KIAA1549L: variants seen among roughly 807,000 people sequenced by gnomAD.
KIAA1549L encodes the protein KIAA1549 like.
A neutral mutation model predicts 160.7 loss-of-function variants in KIAA1549L; 88 were observed. That is an observed-to-expected ratio of 0.55 (90% CI 0.46 to 0.65). The LOEUF (loss-of-function observed/expected upper bound fraction) is 0.65, where lower values mean the gene tolerates loss of function less well. Ranked by LOEUF, KIAA1549L falls within the 30% of genes least tolerant of loss-of-function variation. KIAA1549L has a pLI of 0.00. For missense variants in KIAA1549L, 2,258 were observed against 2,437.5 expected (o/e 0.93, Z 1.55); for synonymous variants, 950 against 976.7 (o/e 0.97, Z 0.51).
chr11:33,427,002 GA>G (rs1240889068), intron 1 of KIAA1549L, among the ~76,000 whole-genome samples: 1 of 152,146 alleles, frequency 6.6e-6, no homozygotes, highest in Admixed American at 6.5e-5. Context: ...GTGTTTTGGG[GA>G]AACTTAGGGA....
chr11:33,462,267 A>G (rs542760511), intron 1 of KIAA1549L, among the ~76,000 whole-genome samples: 147 of 152,346 alleles, frequency 9.6e-4, no homozygotes, highest in Non-Finnish European at 1.7e-3. Context: ...ATGAGTCTTC[A>G]TCATGGGTAG....
intron 4 of KIAA1549L, 140 bp from the exon 5 acceptor site, chr11:33,550,900 A>G (rs1054778747): frequency 1.3e-5 from 9 of 719,648 alleles, no homozygotes; most frequent in Admixed American, 9.1e-5. Context: ...GCTTTATAGA[A>G]TTGTTAAGAA....
At chr11:33,617,793 A>T (rs1038177256) in intron 15 of KIAA1549L, among the ~76,000 whole-genome samples, 1 of 116,202 alleles carries the variant, frequency 8.6e-6, no homozygotes, top group Non-Finnish European at 1.6e-5. Context: ...GCCTCGGTGG[A>T]TGGATGGATG....
chr11:33,619,156 C>T lies in KIAA1549L; in HGVS notation c.5409+494C>T, dbSNP rs758861291. ...CAAAGCACATGCTTATGTTCAGTGA[C>T]GTGACCAAGCTGCAGAAATTATTTT... On this transcript the variant is annotated intron_variant, in intron 16 of 20. Coordinates refer to ENST00000658780, the MANE Select transcript of KIAA1549L (RefSeq NM_012194.3). Among the ~76,000 whole-genome samples, 16 of 152,306 alleles carry T rather than the reference C, an allele frequency of 1.1e-4. No individual in the cohort carries two copies. In the South Asian group the frequency reaches 1.2e-3, roughly 12 times the overall value.
At chr11:33,389,818 A>G (rs965935454) in intron 1 of KIAA1549L, among the ~76,000 whole-genome samples, 1 of 152,170 alleles carries the variant, frequency 6.6e-6, no homozygotes, top group African/African-American at 2.4e-5. Flanking sequence ...ACACTACTCT[A>G]AGAGAGGGTT....
At chr11:33,501,061 A>G (rs1192145605) in intron 1 of KIAA1549L, among the ~76,000 whole-genome samples, 2 of 152,124 alleles carry the variant, frequency 1.3e-5, no homozygotes, top group Admixed American at 6.6e-5. Flanking sequence ...CTGAAACATC[A>G]CTGCCCATCT....
At chr11:33,541,108 C>T (rs563011919) in intron 1 of KIAA1549L, among the ~76,000 whole-genome samples, 3 of 152,334 alleles carry the variant, frequency 2.0e-5, no homozygotes, top group African/African-American at 7.2e-5. Flanking sequence ...TGCCCTGCCT[C>T]CTTGTCTGTC....
chr11:33,445,758 A>G (rs965018339), intron 1 of KIAA1549L, among the ~76,000 whole-genome samples: 1 of 152,200 alleles, frequency 6.6e-6, no homozygotes, highest in Admixed American at 6.5e-5. Context: ...ATAGGACTGA[A>G]TAAGATAACA....
At chr11:33,466,670 T>C (rs1246550164) in intron 1 of KIAA1549L, among the ~76,000 whole-genome samples, 3 of 152,122 alleles carry the variant, frequency 2.0e-5, no homozygotes, top group Admixed American at 2.0e-4. Flanking sequence ...CATGCACACA[T>C]ATGCTTATTG....
chr11:33,585,385 G>A (rs1177006081), intron 11 of KIAA1549L, among the ~76,000 whole-genome samples: 2 of 152,138 alleles, frequency 1.3e-5, no homozygotes, highest in African/African-American at 2.4e-5. Flanking sequence ...GGGTGTGGTG[G>A]CGCACACCTG....
At chr11:33,431,100 A>G (rs1851230131) in intron 1 of KIAA1549L, among the ~76,000 whole-genome samples, 1 of 151,978 alleles carries the variant, frequency 6.6e-6, no homozygotes, top group Admixed American at 6.6e-5. Context: ...TTAAGGCAGC[A>G]CATCTGGAGT....
At chr11:33,509,382 G>T (rs1853172056) in intron 1 of KIAA1549L, among the ~76,000 whole-genome samples, 2 of 152,180 alleles carry the variant, frequency 1.3e-5, no homozygotes, top group African/African-American at 2.4e-5. Context: ...ACCCAGCTTA[G>T]TTTATTTCCA....
rs1850733532 is a variant in KIAA1549L at position 33,614,545 on chromosome 11, TA to T, written c.5280-3987del. ...GAGTGTAACAAGATATATATATATA[TA>T]TATATATATATATATATATATATAT... On this transcript the variant is annotated intron_variant, in intron 15 of 20. Transcript: ENST00000658780. Among the ~76,000 whole-genome samples the T allele has an allele frequency of 3.7e-4, 3 of 8,076 alleles. 1 individual carries two copies. Among genetic ancestry groups the T allele is most frequent in the African/African-American group, 2.0e-3 (2 of 1,010 alleles). 5.3% of individuals were successfully genotyped at this position (8,076 alleles called of 152,430 possible).
At chr11:33,477,574 C>T (rs1014825648) in intron 1 of KIAA1549L, among the ~76,000 whole-genome samples, 8 of 150,362 alleles carry the variant, frequency 5.3e-5, no homozygotes, top group African/African-American at 1.7e-4. Context: ...TGGTTCTCTT[C>T]GGTTAACTCT....
chr11:33,574,001 T>G (rs1855360292), intron 9 of KIAA1549L, among the ~76,000 whole-genome samples: 1 of 152,146 alleles, frequency 6.6e-6, no homozygotes, highest in Non-Finnish European at 1.5e-5. Flanking sequence ...AATTGCAAAA[T>G]ATTGTATATA....
chr11:33,591,042 C>T (rs1249331059), intron 11 of KIAA1549L, among the ~76,000 whole-genome samples, 195 bp from the exon 12 acceptor site: 1 of 152,200 alleles, frequency 6.6e-6, no homozygotes, highest in East Asian at 1.9e-4. Context: ...TGTAGAGATT[C>T]TGTAGCTGGA....
chr11:33,498,713 G>A (rs528726533), intron 1 of KIAA1549L, among the ~76,000 whole-genome samples: 1 of 152,210 alleles, frequency 6.6e-6, no homozygotes, highest in African/African-American at 2.4e-5. Context: ...AGATTCAAAG[G>A]GGGTGAAGGA....
intron 1 of KIAA1549L, among the ~76,000 whole-genome samples, chr11:33,441,011 C>T (rs1051737071): frequency 4.0e-5 from 6 of 151,850 alleles, no homozygotes; most frequent in Admixed American, 1.3e-4. Flanking sequence ...TGTTGGTGTG[C>T]TACACCCATT....
At chr11:33,614,920 A>ACATTTTTTTTTTTTTTTTTTTTTTT (rs1850770233) in intron 15 of KIAA1549L, among the ~76,000 whole-genome samples, 1 of 151,768 alleles carries the variant, frequency 6.6e-6, no homozygotes, top group South Asian at 2.1e-4. Context: ...CTCAAGCTAT[A>ACATTTTTTTTTTTTTTTTTTTTTTT]TTTTTAATGG....
Sources: allele counts gnomAD v4.1 joint callset (sites outside exome capture counted in the v4.1 genomes callset), GRCh38; gene constraint gnomAD v4.1.1; transcripts MANE v1.5; gene names NCBI Gene and HGNC (gene_info 2026-07-23, HGNC 2026-07-21).